FUT8: variants seen among roughly 807,000 people sequenced by gnomAD.
FUT8 encodes fucosyltransferase 8.
FUT8 carries 29 observed loss-of-function variants against 71.3 expected under a neutral mutation model. That is an observed-to-expected ratio of 0.41 (90% CI 0.30 to 0.55). The LOEUF is 0.55. Ranked by LOEUF, FUT8 falls within the 20% of genes least tolerant of loss-of-function variation. The pLI, the probability that FUT8 is intolerant of heterozygous loss-of-function variation, is 0.34. For missense variants in FUT8, 544 were observed against 702.1 expected, an observed-to-expected ratio of 0.77 and a Z score of 2.55; for synonymous variants, 254 against 239.3, an observed-to-expected ratio of 1.06 and a Z score of -0.57.
At chr14:65,514,101 T>C (rs1882542625) in intron 2 of FUT8, among the ~76,000 whole-genome samples, 1 of 152,260 alleles carries the variant, frequency 6.6e-6, no homozygotes, top group South Asian at 2.1e-4. Context: ...TGTAGCATTT[T>C]AGCAGGAAAG....
the FUT8 span, among the ~76,000 whole-genome samples, chr14:65,373,848 A>G: frequency 0.92 from 140,155 of 152,266 alleles, 64,783 homozygotes; most frequent in East Asian, 1. Context: ...CAGTGCCACC[A>G]TCCGTCCGTC....
At chr14:65,455,745 C>A (rs905500979) in intron 2 of FUT8, 27 bp downstream of exon 2, 1 of 397,856 alleles carries the variant, frequency 2.5e-6, no homozygotes, top group Non-Finnish European at 4.4e-6. Flanking sequence ...GACAGCACTT[C>A]CCTGTTCTAA....
chr14:65,504,528 G>C (rs1183438430), intron 2 of FUT8, among the ~76,000 whole-genome samples: 1 of 152,120 alleles, frequency 6.6e-6, no homozygotes, highest in African/African-American at 2.4e-5. Flanking sequence ...TTATATTCTA[G>C]GGGAAGGAAG....
chr14:65,689,418 G>A (rs1893463906), intron 7 of FUT8, among the ~76,000 whole-genome samples: 1 of 152,070 alleles, frequency 6.6e-6, no homozygotes. Context: ...ATATATTTTG[G>A]TTATAAGAGT....
intron 5 of FUT8, among the ~76,000 whole-genome samples, chr14:65,619,877 T>C (rs1258794664): frequency 6.6e-6 from 1 of 152,216 alleles, no homozygotes; most frequent in Non-Finnish European, 1.5e-5. Flanking sequence ...GTAGAGAGAA[T>C]TAAGCGGTTT....
chr14:65,726,473 C>T lies in FUT8; in HGVS notation c.1259+2150C>T, dbSNP rs569741127. Among the ~76,000 whole-genome samples the T allele has an allele frequency of 9.4e-4, 143 of 152,300 alleles. 2 individuals carry two copies. The highest frequency in any genetic ancestry group is 2.5e-3 in the South Asian group (12 of 4,822). ...GTGAAAGGCAATTCTCACATGGCAG[C>T]GGACTAGAGAAGAGAGCTTGTGCAG... On this transcript the variant is annotated intron_variant, in intron 9 of 10. Coordinates refer to ENST00000673929, the MANE Select transcript of FUT8 (RefSeq NM_001371533.1).
chr14:65,678,479 C>CG (rs1158466010), intron 7 of FUT8, among the ~76,000 whole-genome samples: 2 of 152,184 alleles, frequency 1.3e-5, no homozygotes, highest in South Asian at 2.1e-4. Flanking sequence ...CTAGAGCCAT[C>CG]GCTGACCCCA....
the FUT8 span, among the ~76,000 whole-genome samples, chr14:65,368,529 T>G: frequency 1.6e-5 from 2 of 128,746 alleles, no homozygotes; most frequent in Non-Finnish European, 1.7e-5. Flanking sequence ...TGTTGTTGTT[T>G]TTGTTTTTTT....
chr14:65,389,963 A>G, the FUT8 span, among the ~76,000 whole-genome samples: 1 of 151,086 alleles, frequency 6.6e-6, no homozygotes, highest in Non-Finnish European at 1.5e-5. Flanking sequence ...CAACATGGTG[A>G]AACCCCGTCT....
intron 7 of FUT8, among the ~76,000 whole-genome samples, chr14:65,679,342 A>G (rs1235186141): frequency 1.3e-5 from 2 of 152,224 alleles, no homozygotes; most frequent in Non-Finnish European, 2.9e-5. Flanking sequence ...GAGACATTAG[A>G]ATCTATACAG....
At chr14:65,533,377 G>A (rs117963383) in intron 2 of FUT8, among the ~76,000 whole-genome samples, 2,271 of 152,246 alleles carry the variant, frequency 0.015, 18 homozygotes, top group Middle Eastern at 0.024. Context: ...CACCTCTGTG[G>A]TTAGCAGTAT....
chr14:65,616,424 T>G, intron 5 of FUT8, 51 bp downstream of exon 5: 1 of 1,419,266 alleles, frequency 7.0e-7, no homozygotes, highest in Non-Finnish European at 9.5e-7. Flanking sequence ...GATTATAATC[T>G]AAGAATGAGA....
chr14:65,700,019 C>T (rs180804072), intron 7 of FUT8, among the ~76,000 whole-genome samples: 46 of 152,272 alleles, frequency 3.0e-4, no homozygotes, highest in African/African-American at 1.0e-3. Flanking sequence ...ATCTCCAATA[C>T]TGCAAGGAAA....
chr14:65,517,869 A>G (rs1882816776), intron 2 of FUT8, among the ~76,000 whole-genome samples: 1 of 152,202 alleles, frequency 6.6e-6, no homozygotes, highest in Non-Finnish European at 1.5e-5. Context: ...TTCCAGCTTT[A>G]TGATTCTAAT....
intron 6 of FUT8, among the ~76,000 whole-genome samples, chr14:65,654,835 T>G (rs73268557): frequency 0.13 from 20,063 of 151,878 alleles, 1,688 homozygotes; most frequent in East Asian, 0.38. Flanking sequence ...ACAAATGATC[T>G]AAACATACCA....
intron 7 of FUT8, among the ~76,000 whole-genome samples, chr14:65,688,255 C>G (rs1893397465): frequency 6.6e-6 from 1 of 152,128 alleles, no homozygotes; most frequent in Non-Finnish European, 1.5e-5. Context: ...CCCTCCCCAC[C>G]TGCCTTGCCC....
At chr14:65,596,299 C>T (rs1345588816) in intron 3 of FUT8, among the ~76,000 whole-genome samples, 1 of 152,124 alleles carries the variant, frequency 6.6e-6, no homozygotes, top group Non-Finnish European at 1.5e-5. Context: ...ATAATAAAAA[C>T]TACATCTTTT....
rs1041143330 is a variant in FUT8 at position 65,443,496 on chromosome 14, G to A, written c.-325-12125G>A. On this transcript the variant is annotated intron_variant, in intron 1 of 10. Transcript: ENST00000673929. ...GCACTTTGGGAGGCTGAGGCAGGAG[G>A]ATTACTTGAGGCCAGGAGTTTGAGA... 2.0e-5 allele frequency among the ~76,000 whole-genome samples: 3 copies of A among 151,992 alleles called. No individual in the cohort carries two copies. In the East Asian group the frequency reaches 5.8e-4, roughly 29 times the overall value.
At chr14:65,584,758 T>C (rs1218672195) in intron 3 of FUT8, among the ~76,000 whole-genome samples, 1 of 152,198 alleles carries the variant, frequency 6.6e-6, no homozygotes, top group Non-Finnish European at 1.5e-5. Context: ...AAGTGAAAAT[T>C]AGTTTGTTTT....
Sources: allele counts gnomAD v4.1 joint callset (sites outside exome capture counted in the v4.1 genomes callset), GRCh38; gene constraint gnomAD v4.1.1; transcripts MANE v1.5; gene names NCBI Gene and HGNC (gene_info 2026-07-23, HGNC 2026-07-21).